AP3S1: variants seen among roughly 807,000 people sequenced by gnomAD.
The protein encoded by AP3S1 is AP-3 complex subunit sigma-1.
Under a neutral mutation model 21.3 loss-of-function variants are expected in AP3S1, and 12 were observed. That is an observed-to-expected ratio of 0.56 (90% confidence interval 0.36 to 0.91). The LOEUF is 0.91. AP3S1 is among the 40% of genes least tolerant of loss of function. AP3S1 has a pLI of 0.01. For synonymous variants in AP3S1, 48 were observed against 78.4 expected (o/e 0.61, Z 2.05); for missense variants, 116 against 225.0 (o/e 0.52, Z 3.10).
chr5:115,848,896 G>A (rs1006872402), intron 1 of AP3S1, among the ~76,000 whole-genome samples: 2 of 152,180 alleles, frequency 1.3e-5, no homozygotes, highest in African/African-American at 4.8e-5. Context: ...CTCTTAGAAG[G>A]ATATTGAAGT....
chr5:115,855,640 G>T (rs1036660201), intron 1 of AP3S1, among the ~76,000 whole-genome samples: 1 of 152,164 alleles, frequency 6.6e-6, no homozygotes, highest in Non-Finnish European at 1.5e-5. Flanking sequence ...GCACCCAGTT[G>T]ATTATGAGGA....
intron 1 of AP3S1, among the ~76,000 whole-genome samples, chr5:115,853,286 T>C (rs1225825742): frequency 6.6e-6 from 1 of 152,218 alleles, no homozygotes; most frequent in Non-Finnish European, 1.5e-5. Context: ...GAAAGAAATA[T>C]ATATTCAAAT....
chr5:115,888,884 T>C (rs1043505984), intron 3 of AP3S1, among the ~76,000 whole-genome samples: 1 of 152,176 alleles, frequency 6.6e-6, no homozygotes, highest in Admixed American at 6.6e-5. Flanking sequence ...TCTATCTAAA[T>C]TGTTTAACTC....
intron 5 of AP3S1, among the ~76,000 whole-genome samples, chr5:115,905,797 G>A (rs1010662780): frequency 6.6e-6 from 1 of 152,166 alleles, no homozygotes; most frequent in Non-Finnish European, 1.5e-5. Context: ...TTGAAACAAA[G>A]TATAAACTTT....
intron 3 of AP3S1, among the ~76,000 whole-genome samples, chr5:115,870,403 C>A (rs969515368): frequency 6.6e-6 from 1 of 152,084 alleles, no homozygotes; most frequent in South Asian, 2.1e-4. Flanking sequence ...ACACATGTAT[C>A]CAAAACTAAC....
intron 3 of AP3S1, among the ~76,000 whole-genome samples, chr5:115,880,315 C>A (rs115034603): frequency 6.6e-6 from 1 of 152,066 alleles, no homozygotes. Context: ...AGATCTTTCC[C>A]GCTTTCTCCT....
intron 1 of AP3S1, among the ~76,000 whole-genome samples, chr5:115,848,137 T>C (rs951607054): frequency 1.4e-5 from 2 of 141,228 alleles, no homozygotes; most frequent in Admixed American, 6.8e-5. Flanking sequence ...TTACGTGACG[T>C]ACCTATATTA....
At chr5:115,901,254 A>G (rs1294045375) in intron 4 of AP3S1, among the ~76,000 whole-genome samples, 2 of 152,196 alleles carry the variant, frequency 1.3e-5, no homozygotes, top group Non-Finnish European at 2.9e-5. Flanking sequence ...GTGCACAGCA[A>G]GTTTTCTAGG....
intron 1 of AP3S1, among the ~76,000 whole-genome samples, chr5:115,843,125 C>T (rs1251737558): frequency 1.3e-5 from 2 of 152,198 alleles, no homozygotes; most frequent in African/African-American, 2.4e-5. Context: ...CTAGCTGAAA[C>T]ACATAAAATT....
intron 3 of AP3S1, among the ~76,000 whole-genome samples, chr5:115,876,002 C>T (rs1193305773): frequency 1.3e-5 from 2 of 152,218 alleles, no homozygotes; most frequent in East Asian, 3.9e-4. Flanking sequence ...TTCTAATTTA[C>T]ATGTTTCATT....
intron 1 of AP3S1, among the ~76,000 whole-genome samples, chr5:115,854,630 A>T (rs1762668028): frequency 6.6e-6 from 1 of 151,670 alleles, no homozygotes; most frequent in South Asian, 2.1e-4. Context: ...TCTCTTTTTC[A>T]TGATTCCTAA....
intron 3 of AP3S1, among the ~76,000 whole-genome samples, chr5:115,875,189 A>G (rs965924607): frequency 1.3e-5 from 2 of 152,084 alleles, no homozygotes; most frequent in African/African-American, 2.4e-5. Context: ...GCATTTTTGA[A>G]TCTTTTTATC....
chr5:115,843,580 G>C (rs1038017595), intron 1 of AP3S1, among the ~76,000 whole-genome samples: 8 of 152,162 alleles, frequency 5.3e-5, no homozygotes, highest in Non-Finnish European at 1.2e-4. Context: ...TTAAAATATA[G>C]TACCAGCCTT....
At chr5:115,868,306 G>A (rs972617427) in intron 2 of AP3S1, among the ~76,000 whole-genome samples, 2 of 152,170 alleles carry the variant, frequency 1.3e-5, no homozygotes, top group Non-Finnish European at 2.9e-5. Flanking sequence ...TCACTAAATC[G>A]CTGATTCAGA....
chr5:115,857,000 A>G (rs775471585), intron 1 of AP3S1, among the ~76,000 whole-genome samples: 5 of 151,988 alleles, frequency 3.3e-5, no homozygotes, highest in African/African-American at 7.3e-5. Context: ...GCTGGTAACC[A>G]CCGCTACTGA....
intron 3 of AP3S1, among the ~76,000 whole-genome samples, chr5:115,879,911 A>G (rs1340368692): frequency 1.3e-5 from 2 of 152,134 alleles, no homozygotes; most frequent in Non-Finnish European, 2.9e-5. Context: ...CAGAGATTCG[A>G]CTTCTTCCTG....
At chr5:115,872,926 A>C (rs2112847624) in intron 3 of AP3S1, among the ~76,000 whole-genome samples, 1 of 152,318 alleles carries the variant, frequency 6.6e-6, no homozygotes, top group East Asian at 1.9e-4. Context: ...GACTGAAGAG[A>C]GTGGTAGACA....
chr5:115,853,336 G>T (rs969272637), intron 1 of AP3S1, among the ~76,000 whole-genome samples: 5 of 152,120 alleles, frequency 3.3e-5, no homozygotes, highest in Admixed American at 6.6e-5. Context: ...TTATTGACTT[G>T]TAAGAGTTCT....
chr5:115,853,089 C>T, intron 1 of AP3S1: 1 of 436,414 alleles, frequency 2.3e-6, no homozygotes, highest in Non-Finnish European at 4.6e-6. Context: ...ACATTCCCAC[C>T]AACAATGTCT....
Sources: gnomAD v4.1 joint callset for allele counts (sites outside exome capture counted in the v4.1 genomes callset) on GRCh38, gnomAD v4.1.1 for gene constraint, MANE v1.5 for transcripts, NCBI Gene and HGNC (gene_info 2026-07-23, HGNC 2026-07-21) for gene names.